Variants in SLC26A4 observed in about 807,000 individuals in gnomAD.
SLC26A4 encodes pendrin.
Under a neutral mutation model 90.4 loss-of-function variants are expected in SLC26A4, and 93 were observed. That is an observed-to-expected ratio of 1.03 (90% CI 0.87 to 1.22). The LOEUF is 1.22. Ranked by LOEUF, SLC26A4 falls within the 50% of genes most tolerant of loss-of-function variation. SLC26A4 has a pLI of 0.00. For synonymous variants in SLC26A4, 393 were observed against 354.6 expected, an observed-to-expected ratio of 1.11 and a Z score of -1.22; for missense variants, 1,127 against 946.2, an observed-to-expected ratio of 1.19 and a Z score of -2.51.
In SLC26A4 at chr7:107,704,391, T is replaced by C. The variant is rs750097472; in HGVS notation, c.2089+6T>C. ...GTATTTTGCATCACTTCAAGGTAAATACATATATCTACATATCTACCTGTA... is the reference window on the plus strand; with the variant it reads ...GTATTTTGCATCACTTCAAGGTAAACACATATATCTACATATCTACCTGTA... On this transcript the variant is annotated splice_donor_region_variant and intron_variant, in intron 18 of 20. Coordinates refer to ENST00000644269, the MANE Select transcript of SLC26A4 (RefSeq NM_000441.2). The C allele has an allele frequency of 4.5e-6, 5 of 1,119,188 alleles. No individual in the cohort carries two copies. In the South Asian group the frequency reaches 6.3e-5, roughly 14 times the overall value. The allele number at this position is 1,119,188 out of a possible 1,614,324, so 69.3% of individuals were successfully genotyped here.
In SLC26A4 at chr7:107,686,429, C is replaced by CCTTCTTTCT. The variant is rs1554358040; in HGVS notation, c.1002-2624_1002-2623insCTTCTTTCT. On this transcript the variant is annotated intron_variant, in intron 8 of 20. Transcript: ENST00000644269. Reference sequence around the variant, plus strand: ...TTTTTCTTTCTTTCTTTCTTTCTTTCTTTCTTTCTTTCTTTCTTTCTTTCT... The same window carrying CCTTCTTTCT: ...TTTTTCTTTCTTTCTTTCTTTCTTTCCTTCTTTCTTTTCTTTCTTTCTTTCTTTCTTTCT... 1.6e-3 allele frequency among the ~76,000 whole-genome samples: 136 copies of CCTTCTTTCT among 83,772 alleles called. 1 individual carries two copies. The highest frequency in any genetic ancestry group is 8.1e-3 in the African/African-American group (125 of 15,490). The allele number at this position is 83,772 out of a possible 152,430, so 55.0% of individuals were successfully genotyped here.
chr7:107,687,352 T>G (rs1038597977), intron 8 of SLC26A4, among the ~76,000 whole-genome samples: 3 of 152,154 alleles, frequency 2.0e-5, no homozygotes, highest in Non-Finnish European at 4.4e-5. Flanking sequence ...CTTCAATTGG[T>G]TTGGGGCAAA....
intron 3 of SLC26A4, among the ~76,000 whole-genome samples, chr7:107,670,398 C>T (rs1790830899): frequency 6.6e-6 from 1 of 152,052 alleles, no homozygotes; most frequent in African/African-American, 2.4e-5. Context: ...TGACTCACCG[C>T]GCCCGGTCCC....
At chr7:107,674,456 T>A in intron 5 of SLC26A4, 108 bp downstream of exon 5, 1 of 941,254 alleles carries the variant, frequency 1.1e-6, no homozygotes, top group Non-Finnish European at 1.7e-6. Context: ...AGTAATTTCC[T>A]GGAACCCAAA....
chr7:107,692,325 T>C (rs1584327649), intron 10 of SLC26A4, among the ~76,000 whole-genome samples: 1 of 152,200 alleles, frequency 6.6e-6, no homozygotes, highest in African/African-American at 2.4e-5. Context: ...GATGGACAAA[T>C]AAACTGGCAG....
At position 107,663,438 on chromosome 7, in the gene SLC26A4, A is replaced by G; in HGVS notation, c.304+3A>G. The G allele has an allele frequency of 6.2e-7, 1 of 1,613,950 alleles. No homozygotes were observed. The stretch of plus-strand genomic sequence containing the variant: ...TGGGCTAGTGGCCACGCTGCAAGGT[A>G]AGATGTTGGCAGATTGAGAGTTCTG... On this transcript the variant is annotated splice_donor_region_variant and intron_variant, in intron 3 of 20. Transcript: ENST00000644269.
chr7:107,669,991 T>C (rs1156720022), intron 3 of SLC26A4, among the ~76,000 whole-genome samples: 2 of 152,224 alleles, frequency 1.3e-5, no homozygotes, highest in East Asian at 1.9e-4. Context: ...TTCCGCTGCA[T>C]TGGCAGTAAT....
chr7:107,694,273 TG>T, intron 10 of SLC26A4, 129 bp from the exon 11 acceptor site: 1 of 745,694 alleles, frequency 1.3e-6, no homozygotes, highest in Non-Finnish European at 2.4e-6. Context: ...TCGACAGTAT[TG>T]AGCAGAAGGG....
At chr7:107,664,276 C>T (rs1790651172) in intron 3 of SLC26A4, among the ~76,000 whole-genome samples, 1 of 152,152 alleles carries the variant, frequency 6.6e-6, no homozygotes, top group African/African-American at 2.4e-5. Context: ...GTCACCCAGG[C>T]TGGTGTGCAG....
intron 18 of SLC26A4, 53 bp downstream of exon 18, chr7:107,704,438 C>A (rs943564361): frequency 2.5e-6 from 2 of 802,794 alleles, no homozygotes; most frequent in South Asian, 2.8e-5. Flanking sequence ...TAAGCCCTTT[C>A]TCCTATCTGG....
intron 8 of SLC26A4, among the ~76,000 whole-genome samples, chr7:107,685,753 G>C (rs1486153744): frequency 2.0e-5 from 3 of 152,202 alleles, no homozygotes. Context: ...CCAGTCATGT[G>C]CCTCTCTTCT....
intron 6 of SLC26A4, among the ~76,000 whole-genome samples, chr7:107,682,764 C>G (rs6970857): frequency 0.75 from 114,006 of 151,704 alleles, 43,237 homozygotes; most frequent in African/African-American, 0.85. Context: ...AATGCTGTAT[C>G]ACTGTAGTAA....
At chr7:107,680,289 T>A (rs1408853152) in intron 6 of SLC26A4, among the ~76,000 whole-genome samples, 1 of 98,296 alleles carries the variant, frequency 1.0e-5, no homozygotes, top group Non-Finnish European at 2.0e-5. Flanking sequence ...TATAATCTTA[T>A]CTTATTATAT....
intron 3 of SLC26A4, among the ~76,000 whole-genome samples, chr7:107,664,271 C>A (rs1035708876): frequency 1.5e-4 from 23 of 151,850 alleles, no homozygotes; most frequent in Non-Finnish European, 8.8e-5. Context: ...GCTCTGTCAC[C>A]CAGGCTGGTG....
chr7:107,696,046 A>G lies in SLC26A4; in HGVS notation c.1544+7A>G, dbSNP rs1042385846. On this transcript the variant is annotated splice_region_variant and intron_variant, in intron 13 of 20. Coordinates refer to ENST00000644269, the MANE Select transcript of SLC26A4 (RefSeq NM_000441.2). ...TGGTCCTGAGAGTTCAGTTGTGAGTAACGTAAAACCCAGATTTCCTATAAA... is the reference window on the plus strand; with the variant it reads ...TGGTCCTGAGAGTTCAGTTGTGAGTGACGTAAAACCCAGATTTCCTATAAA... 6.8e-7 allele frequency: 1 copy of G among 1,471,212 alleles called. No individual in the cohort carries two copies. Among genetic ancestry groups the G allele is most frequent in the Admixed American group, 1.7e-5 (1 of 59,822 alleles). 91.1% of individuals were successfully genotyped at this position (1,471,212 alleles called of 1,614,324 possible).
chr7:107,713,381 T>C (rs1792246313), intron 20 of SLC26A4, among the ~76,000 whole-genome samples: 2 of 152,232 alleles, frequency 1.3e-5, no homozygotes, highest in South Asian at 2.1e-4. Flanking sequence ...TAAATGTTAC[T>C]TGTGCTTACA....
chr7:107,661,560 C>A lies in SLC26A4; in HGVS notation c.-3-79C>A, dbSNP rs1182003466. The A allele has an allele frequency of 1.4e-6, 2 of 1,446,500 alleles. No homozygotes were observed. The highest frequency in any genetic ancestry group is 1.9e-6 in the Non-Finnish European group (2 of 1,066,228). 89.6% of individuals were successfully genotyped at this position (1,446,500 alleles called of 1,614,324 possible). On this transcript the variant is annotated intron_variant, in intron 1 of 20. Coordinates refer to ENST00000644269, the MANE Select transcript of SLC26A4 (RefSeq NM_000441.2). This position sits in a 1 kb window ranked among gnomAD's most constrained non-coding sequence, Gnocchi z 5.1. The stretch of plus-strand genomic sequence containing the variant: ...GCTGCAGCTAACAGGTGATCCCGTT[C>A]TTTCTGTTCCTCGCTCTTCCCCTCC...
At chr7:107,714,603 A>G (rs150585495) in intron 20 of SLC26A4, among the ~76,000 whole-genome samples, 129 of 152,258 alleles carry the variant, frequency 8.5e-4, no homozygotes, top group Non-Finnish European at 1.3e-3. Context: ...CTGCTATATT[A>G]TAGGATATTT....
At chr7:107,682,264 C>T (rs1472292005) in intron 6 of SLC26A4, among the ~76,000 whole-genome samples, 1 of 151,738 alleles carries the variant, frequency 6.6e-6, no homozygotes, top group East Asian at 1.9e-4. Flanking sequence ...ACCAACATGG[C>T]ACACGTATAC....
Sources: allele counts gnomAD v4.1 joint callset (sites outside exome capture counted in the v4.1 genomes callset), GRCh38; gene constraint gnomAD v4.1.1; non-coding constraint Gnocchi (gnomAD v3.1); transcripts MANE v1.5; gene names NCBI Gene and HGNC (gene_info 2026-07-23, HGNC 2026-07-21).